GRIN2B: variants seen among roughly 807,000 people sequenced by gnomAD.
The protein encoded by GRIN2B is glutamate ionotropic receptor NMDA type subunit 2B, also known as glutamate receptor ionotropic, NMDA 2B.
In GRIN2B, 5 loss-of-function variants were observed where a neutral mutation model predicts 114.5. The ratio of observed to expected loss-of-function variants is 0.04; its 90% CI spans 0.02 to 0.09. The LOEUF (loss-of-function observed/expected upper bound fraction) is 0.09. Ranked by LOEUF, GRIN2B falls within the 10% of genes least tolerant of loss-of-function variation. The probability of loss-of-function intolerance (pLI) is 1.00; values close to 1 mark genes in which losing one functional copy is unlikely to be tolerated. For synonymous variants in GRIN2B, 787 were observed against 745.1 expected (o/e 1.06, Z -0.92); for missense variants, 1,108 against 1,943.5 (o/e 0.57, Z 8.08).
intron 5 of GRIN2B, among the ~76,000 whole-genome samples, chr12:13,649,779 A>T (rs1310850735): frequency 6.6e-6 from 1 of 152,088 alleles, no homozygotes; most frequent in Non-Finnish European, 1.5e-5. Flanking sequence ...AAGTGGTATG[A>T]CCTTGCACTA....
intron 4 of GRIN2B, among the ~76,000 whole-genome samples, chr12:13,712,579 G>T (rs1038511354): frequency 1.4e-4 from 21 of 151,552 alleles, no homozygotes; most frequent in African/African-American, 5.1e-4. Context: ...TAGAGGTGTG[G>T]GTTACACCCA....
At chr12:13,665,906 A>G (rs1227977216) in intron 5 of GRIN2B, among the ~76,000 whole-genome samples, 4 of 152,182 alleles carry the variant, frequency 2.6e-5, no homozygotes, top group Non-Finnish European at 2.9e-5. Context: ...AATATTCACT[A>G]TGAATTTTAC....
In GRIN2B at chr12:13,742,435, G is replaced by GT. The variant is rs1247904899; in HGVS notation, c.1010+10881dup. Among the ~76,000 whole-genome samples, 8 of 152,170 alleles carry GT rather than the reference G, an allele frequency of 5.3e-5. No homozygotes were observed. In the East Asian group the frequency reaches 7.7e-4, roughly 15 times the overall value. On this transcript the variant is annotated intron_variant, in intron 4 of 13. Transcript: ENST00000609686. ...CTCTCTCACTAGTTAACAGAACTTT[G>GT]TTTTTTTGTTTTTGAGACAGAGTCT... is the stretch of plus-strand genomic sequence containing the variant.
At position 13,564,993 on chromosome 12, in the gene GRIN2B, GGCC is replaced by G. The variant is rs1948619247; in HGVS notation, c.2599-357_2599-355del. On this transcript the variant is annotated intron_variant, in intron 13 of 13. Coordinates refer to ENST00000609686, the MANE Select transcript of GRIN2B (RefSeq NM_000834.5). This position sits in a 1 kb window ranked among gnomAD's most constrained non-coding sequence, Gnocchi z 4.8. ...CTAGATTTTCACATCTTAAAAATGA[GGCC>G]ATGATATCAACCCATAGCAAAAAAT... Among the ~76,000 whole-genome samples the G allele has an allele frequency of 6.6e-6, 1 of 152,142 alleles. No homozygotes were observed. Among genetic ancestry groups the G allele is most frequent in the Admixed American group, 6.5e-5 (1 of 15,288 alleles).
chr12:13,710,170 G>A, intron 4 of GRIN2B, among the ~76,000 whole-genome samples: 1 of 152,000 alleles, frequency 6.6e-6, no homozygotes, highest in East Asian at 1.9e-4. Context: ...CAGACATACA[G>A]TAAGATATAT....
intron 3 of GRIN2B, among the ~76,000 whole-genome samples, chr12:13,830,995 A>G (rs1050816455): frequency 7.2e-5 from 11 of 152,172 alleles, no homozygotes; most frequent in African/African-American, 2.7e-4. Flanking sequence ...TCTCTCATGA[A>G]TGGCTTGGTG....
At position 13,563,778 on chromosome 12, in the gene GRIN2B, T is replaced by C. The variant is rs1948589864; in HGVS notation, c.3460A>G (p.Ile1154Val). Residue 1154 changes from isoleucine to valine, a missense_variant, in exon 14 of 14, where the codon ATC (isoleucine) becomes GTC (valine). Physicochemically the swap from Ile to Val is conservative, Grantham distance 29 (BLOSUM62 3). Coordinates refer to ENST00000609686, the MANE Select transcript of GRIN2B (RefSeq NM_000834.5). The stretch of plus-strand genomic sequence containing the variant: ...AAGTCATCACTCCGCTCCTTGTAGA[T>C]GTCGGTCAGGTCTACGTGCTCCCAG... The part of the protein sequence containing the change: ...PHWEHVDLTD[I>V]YKERSDDFKR... 1 of 1,614,104 alleles carries C rather than the reference T, an allele frequency of 6.2e-7. No homozygotes were observed. Among genetic ancestry groups the C allele is most frequent in the Non-Finnish European group, 8.5e-7 (1 of 1,180,034 alleles).
chr12:13,798,255 A>G (rs1351452982), intron 3 of GRIN2B, among the ~76,000 whole-genome samples: 2 of 152,090 alleles, frequency 1.3e-5, no homozygotes, highest in Non-Finnish European at 2.9e-5. Context: ...ATATGATTGT[A>G]GAGTTATGAA....
intron 2 of GRIN2B, among the ~76,000 whole-genome samples, chr12:13,904,137 TTAGTG>T (rs1591613040): frequency 1.3e-5 from 2 of 152,070 alleles, no homozygotes; most frequent in Admixed American, 6.5e-5. Context: ...GCATTTTTAG[TTAGTG>T]TAATTATTGG....
intron 10 of GRIN2B, among the ~76,000 whole-genome samples, chr12:13,599,998 T>A (rs990246629): frequency 6.6e-6 from 1 of 152,264 alleles, no homozygotes; most frequent in Non-Finnish European, 1.5e-5. Flanking sequence ...TTGCCTATTT[T>A]TGGCTTTAAT....
chr12:13,815,944 C>G (rs1012396370), intron 3 of GRIN2B, among the ~76,000 whole-genome samples: 2 of 151,984 alleles, frequency 1.3e-5, no homozygotes, highest in Non-Finnish European at 2.9e-5. Flanking sequence ...TCAAGAGAAC[C>G]AAATACATGC....
chr12:13,843,720 T>C (rs540990700), intron 3 of GRIN2B, among the ~76,000 whole-genome samples: 44 of 152,368 alleles, frequency 2.9e-4, no homozygotes, highest in African/African-American at 1.0e-3. Flanking sequence ...TTTTTAAAAA[T>C]ATTAGGAACA....
intron 10 of GRIN2B, among the ~76,000 whole-genome samples, chr12:13,577,245 C>A (rs1256121914): frequency 6.6e-6 from 1 of 152,228 alleles, no homozygotes; most frequent in Non-Finnish European, 1.5e-5. Context: ...GGGCTTCCAG[C>A]AATTGCTTGT....
chr12:13,924,263 C>A, intron 2 of GRIN2B, among the ~76,000 whole-genome samples: 2 of 152,220 alleles, frequency 1.3e-5, no homozygotes, highest in South Asian at 2.1e-4. Flanking sequence ...AAACAGATGG[C>A]AACTCCAAAT....
intron 9 of GRIN2B, among the ~76,000 whole-genome samples, chr12:13,610,604 G>A (rs1949356181): frequency 6.6e-6 from 1 of 152,120 alleles, no homozygotes; most frequent in South Asian, 2.1e-4. Context: ...TTAAAAGGTA[G>A]GTCTGCACTT....
rs141405612 is a variant in GRIN2B at position 13,678,740 on chromosome 12, A to G, written c.1011-2881T>C. Among the ~76,000 whole-genome samples, 248 of 152,208 alleles carry G rather than the reference A, an allele frequency of 1.6e-3. 2 individuals are homozygous for G. Among genetic ancestry groups the G allele is most frequent in the African/African-American group, 5.4e-3 (223 of 41,550 alleles). Reference sequence around the variant, plus strand: ...ATATTCAGGTCTCTTATAGTTTGCAATGACTCTAACACTCCAACCAAAGGC... The same window carrying G: ...ATATTCAGGTCTCTTATAGTTTGCAGTGACTCTAACACTCCAACCAAAGGC... On this transcript the variant is annotated intron_variant, in intron 4 of 13. Coordinates refer to ENST00000609686, the MANE Select transcript of GRIN2B (RefSeq NM_000834.5).
rs115142329 is a variant in GRIN2B at position 13,583,793 on chromosome 12, G to T, written c.2011-11829C>A. On this transcript the variant is annotated intron_variant, in intron 10 of 13. Transcript: ENST00000609686. ...ACGTGAGCATGGCATCTGCACTGAC[G>T]TTGGGAGGAATGTTTGGCGCCTAGA... 2.6e-3 allele frequency among the ~76,000 whole-genome samples: 400 copies of T among 152,196 alleles called. 3 individuals carry two copies. Among genetic ancestry groups the T allele is most frequent in the African/African-American group, 9.2e-3 (384 of 41,532 alleles).
At chr12:13,803,759 T>C (rs1864555612) in intron 3 of GRIN2B, among the ~76,000 whole-genome samples, 1 of 151,944 alleles carries the variant, frequency 6.6e-6, no homozygotes, top group Non-Finnish European at 1.5e-5. Flanking sequence ...GATGGGAAGG[T>C]GATGGGGACA....
intron 2 of GRIN2B, among the ~76,000 whole-genome samples, chr12:13,961,244 C>T (rs1442434953): frequency 6.6e-6 from 1 of 151,998 alleles, no homozygotes; most frequent in Non-Finnish European, 1.5e-5. Context: ...ATTCTAAGCC[C>T]AGGAGAAGGA....
Sources: gnomAD v4.1 joint callset for allele counts (sites outside exome capture counted in the v4.1 genomes callset) on GRCh38, gnomAD v4.1.1 for gene constraint, Gnocchi (gnomAD v3.1) non-coding constraint, MANE v1.5 for transcripts, NCBI Gene and HGNC (gene_info 2026-07-23, HGNC 2026-07-21) for gene names.